RSPH10B: variants seen among roughly 807,000 people sequenced by gnomAD.
The protein encoded by RSPH10B is radial spoke head 10 homolog B (Chlamydomonas).
RSPH10B carries 7 observed loss-of-function variants against 52.5 expected under a neutral mutation model. The observed-to-expected ratio is 0.13, with a 90% CI of 0.08 to 0.25. The LOEUF (loss-of-function observed/expected upper bound fraction) is 0.25, where lower values mean the gene tolerates loss of function less well. RSPH10B is among the 10% of genes least tolerant of loss of function. The pLI, the probability that RSPH10B is intolerant of heterozygous loss-of-function variation, is 1.00. For synonymous variants in RSPH10B, 28 were observed against 193.2 expected (o/e 0.14, Z 7.09); for missense variants, 89 against 542.5 (o/e 0.16, Z 8.30).
intron 18 of RSPH10B, among the ~76,000 whole-genome samples, chr7:5,927,070 A>ATTATGTGTGTGTGTGTGTGTATATGTG (rs1554284566): frequency 9.0e-6 from 1 of 110,692 alleles, no homozygotes; most frequent in Non-Finnish European, 1.9e-5. Flanking sequence ...GTGTGTGTAT[A>ATTATGTGTGTGTGTGTGTGTATATGTG]TGTGTGTGTG....
chr7:5,932,034 T>C (rs1373028187), intron 17 of RSPH10B, among the ~76,000 whole-genome samples: 1 of 148,588 alleles, frequency 6.7e-6, no homozygotes, highest in African/African-American at 2.5e-5. Flanking sequence ...CACCAGGGCT[T>C]GTTTAATCAT....
chr7:5,927,796 C>T (rs573711610), intron 18 of RSPH10B, among the ~76,000 whole-genome samples: 1 of 146,046 alleles, frequency 6.8e-6, no homozygotes, highest in African/African-American at 2.6e-5. Flanking sequence ...ATTAGCCAGG[C>T]GTGGTGGTGC....
chr7:5,942,256 CTTTTTTG>C (rs1301900642), intron 13 of RSPH10B, among the ~76,000 whole-genome samples: 3 of 140,548 alleles, frequency 2.1e-5, no homozygotes, highest in Non-Finnish European at 4.7e-5. Context: ...CTCCATTTTC[CTTTTTTG>C]TTTTTTGGGG....
chr7:5,947,708 T>G (rs1465365761), intron 10 of RSPH10B, among the ~76,000 whole-genome samples: 2 of 90,004 alleles, frequency 2.2e-5, no homozygotes, highest in Non-Finnish European at 4.6e-5. Context: ...AGAGTGAAAC[T>G]CTGTCTCAAA....
intron 13 of RSPH10B, among the ~76,000 whole-genome samples, chr7:5,942,690 C>A (rs1248982239): frequency 6.7e-6 from 1 of 149,940 alleles, no homozygotes; most frequent in Non-Finnish European, 1.5e-5. Flanking sequence ...GGTGAACACC[C>A]GTCTCTACTA....
rs1306935521 is a variant in RSPH10B, at chr7:5,928,627, CTTTTT to C, written c.2234-238_2234-234del. ...TGAGTTTCCTGCTACCTCGTTTTTT[CTTTTT>C]TGTTTTTTTTTTTTTTGGAGACAGA... On this transcript the variant is annotated intron_variant, in intron 17 of 18. Coordinates refer to ENST00000337579, the Ensembl canonical transcript of RSPH10B. Among the ~76,000 whole-genome samples, 7 of 135,180 alleles carry C rather than the reference CTTTTT, an allele frequency of 5.2e-5. No individual in the cohort carries two copies. In the East Asian group the frequency reaches 1.6e-3, roughly 31 times the overall value. 88.7% of individuals were successfully genotyped at this position (135,180 alleles called of 152,430 possible).
At chr7:5,927,866 G>A (rs1208729335) in intron 18 of RSPH10B, among the ~76,000 whole-genome samples, 5 of 147,148 alleles carry the variant, frequency 3.4e-5, no homozygotes, top group Non-Finnish European at 6.0e-5. Flanking sequence ...AACCCGGGAG[G>A]CGGAGGTTGC....
At chr7:5,928,332 A>C in exon 18 of RSPH10B, 1 of 1,613,262 alleles carries the variant, frequency 6.2e-7, no homozygotes, top group Non-Finnish European at 8.5e-7. Context: ...AAGAAGACGT[A>C]CATATTATTG....
intron 18 of RSPH10B, among the ~76,000 whole-genome samples, chr7:5,927,071 TG>T (rs1562553291): frequency 0.034 from 893 of 26,166 alleles, 14 homozygotes; most frequent in Non-Finnish European, 0.051. Flanking sequence ...TGTGTGTATA[TG>T]TGTGTGTGTG....
exon 1 of RSPH10B, chr7:5,967,124 G>C (rs1470846630): frequency 1.6e-6 from 1 of 616,990 alleles, no homozygotes; most frequent in South Asian, 1.6e-5. Flanking sequence ...CATTGCCTTG[G>C]GAAGATCCAA....
chr7:5,944,530 C>G (rs572519566), intron 11 of RSPH10B, among the ~76,000 whole-genome samples: 2 of 148,748 alleles, frequency 1.3e-5, no homozygotes, highest in African/African-American at 2.5e-5. Context: ...TTAGAAACCC[C>G]GAGAGATATT....
intron 7 of RSPH10B, among the ~76,000 whole-genome samples, chr7:5,955,088 C>G (rs1404597573): frequency 1.4e-5 from 2 of 138,626 alleles, no homozygotes; most frequent in African/African-American, 2.6e-5. Context: ...TCACTTGCGC[C>G]CGGGAGGCAG....
At chr7:5,941,741 T>TAAA (rs777356713) in intron 13 of RSPH10B, among the ~76,000 whole-genome samples, 1 of 128,236 alleles carries the variant, frequency 7.8e-6, no homozygotes, top group Non-Finnish European at 1.7e-5. Context: ...AGACTTTGTC[T>TAAA]AAAAAAAAAA....
chr7:5,931,793 G>C (rs1474115961), intron 17 of RSPH10B, among the ~76,000 whole-genome samples: 1 of 151,056 alleles, frequency 6.6e-6, no homozygotes, highest in Non-Finnish European at 1.5e-5. Flanking sequence ...CTGAGGTCAG[G>C]AGTTTGAGAC....
In RSPH10B at chr7:5,943,308, G is replaced by A. The variant is rs763225580; in HGVS notation, c.1758+16C>T. On this transcript the variant is annotated intron_variant, in intron 13 of 18. Coordinates refer to ENST00000337579, the Ensembl canonical transcript of RSPH10B. ...TGCCTGTAAATAGAAAGCCAATATC[G>A]AACTTAGGTGGTTACTTTCAGCATC... is the stretch of plus-strand genomic sequence containing the variant. 105 of 1,524,916 alleles carry A rather than the reference G, an allele frequency of 6.9e-5. 1 individual carries two copies. The highest frequency in any genetic ancestry group is 8.2e-5 in the Non-Finnish European group (93 of 1,136,736). 94.5% of individuals were successfully genotyped at this position (1,524,916 alleles called of 1,614,324 possible).
chr7:5,933,737 A>G (rs201363228), intron 16 of RSPH10B, among the ~76,000 whole-genome samples: 33,639 of 125,816 alleles, frequency 0.27, 1,889 homozygotes, highest in East Asian at 0.44. Flanking sequence ...ACTGCACTCC[A>G]GCCTGGGCGA....
chr7:5,944,584 G>C (rs1206826425), intron 11 of RSPH10B, among the ~76,000 whole-genome samples: 1 of 147,514 alleles, frequency 6.8e-6, no homozygotes, highest in African/African-American at 2.6e-5. Flanking sequence ...TCAAAGTTTT[G>C]ATCCAGTATG....
chr7:5,933,766 CAA>C (rs202156286), intron 16 of RSPH10B, among the ~76,000 whole-genome samples: 35,122 of 87,296 alleles, frequency 0.4, 3,955 homozygotes, highest in Middle Eastern at 0.46. Context: ...GACTCTGTCT[CAA>C]AAAAAAAAAA....
intron 13 of RSPH10B, among the ~76,000 whole-genome samples, chr7:5,942,926 ATTTT>A (rs10616078): frequency 2.7e-4 from 38 of 141,036 alleles, no homozygotes; most frequent in Non-Finnish European, 4.9e-4. Context: ...ATATATATAT[ATTTT>A]TTTTTAAGAC....
Sources: gnomAD v4.1 joint callset for allele counts (sites outside exome capture counted in the v4.1 genomes callset) on GRCh38, gnomAD v4.1.1 for gene constraint, MANE v1.5 for transcripts, NCBI Gene and HGNC (gene_info 2026-07-23, HGNC 2026-07-21) for gene names.